ATXN1: variants seen among roughly 807,000 people sequenced by gnomAD.
ATXN1 encodes the protein ataxin 1.
In ATXN1, 8 loss-of-function variants were observed where a neutral mutation model predicts 56.4. That is an observed-to-expected ratio of 0.14 (90% CI 0.08 to 0.26). The LOEUF is 0.26. Ranked by LOEUF, ATXN1 falls within the 10% of genes least tolerant of loss-of-function variation. The probability of loss-of-function intolerance (pLI) is 1.00; values close to 1 mark genes in which losing one functional copy is unlikely to be tolerated. For missense variants in ATXN1, 987 were observed against 1,106.5 expected (o/e 0.89, Z 1.53); for synonymous variants, 514 against 494.6 (o/e 1.04, Z -0.52).
intron 5 of ATXN1, among the ~76,000 whole-genome samples, chr6:16,510,737 C>CATAA (rs57597775): frequency 0.042 from 6,324 of 151,780 alleles, 433 homozygotes; most frequent in African/African-American, 0.14. Context: ...GGCCCTGTCT[C>CATAA]ATAAATAAAT....
intron 6 of ATXN1, among the ~76,000 whole-genome samples, chr6:16,441,545 T>C (rs1759516986): frequency 6.8e-6 from 1 of 146,048 alleles, no homozygotes; most frequent in Non-Finnish European, 1.5e-5. Flanking sequence ...CCAAAACAGA[T>C]GAAAACTTTA....
chr6:16,674,187 T>C (rs1000393025), intron 2 of ATXN1, among the ~76,000 whole-genome samples: 1 of 152,120 alleles, frequency 6.6e-6, no homozygotes, highest in Non-Finnish European at 1.5e-5. Context: ...GGCCCCACTA[T>C]ACTTATTCCC....
chr6:16,326,708 G>T lies in ATXN1; in HGVS notation c.1603C>A (p.Pro535Thr), dbSNP rs1760814662. Residue 535 changes from proline to threonine, a missense_variant, in exon 7 of 8, where the codon CCT (proline) becomes ACT (threonine). By Grantham distance (38) the Pro-to-Thr change is conservative. Around this residue, in one of 3 missense-constraint regions of ATXN1, gnomAD observed 723 missense variants for 791.7 expected, o/e 0.91. Transcript: ENST00000436367. The surrounding 1 kb of genome is among the most constrained non-coding windows in gnomAD (Gnocchi z 6.6). ...GCGGCCTGGGTGACCAGGGCCTCAG[G>T]GTTGAAGTTCTCGCTCTTGGGAAGG... is the stretch of plus-strand genomic sequence containing the variant. ...TALPKSENFN[P>T]EALVTQAAYP... 1.9e-6 allele frequency: 3 copies of T among 1,613,520 alleles called. No homozygotes were observed. The highest frequency in any genetic ancestry group is 4.5e-5 in the East Asian group (2 of 44,872).
Position 16,302,104 on chromosome 6 carries a change from T to A in ATXN1, c.*4225A>T, listed in dbSNP as rs1760120768. ...ATTATATTGCAATCTATGCGGTATC[T>A]AAGGAGTAATCCACAAGATGCAGGA... On this transcript the variant is annotated 3_prime_UTR_variant, in exon 8 of 8. Transcript: ENST00000436367. 1 of 152,672 alleles carries A rather than the reference T, an allele frequency of 6.5e-6. No homozygotes were observed. Among genetic ancestry groups the A allele is most frequent in the African/African-American group, 2.4e-5 (1 of 41,454 alleles). The allele number at this position is 152,672 out of a possible 1,614,324, so 9.5% of individuals were successfully genotyped here.
intron 2 of ATXN1, among the ~76,000 whole-genome samples, chr6:16,676,152 G>A (rs1226373680): frequency 1.3e-5 from 2 of 152,098 alleles, no homozygotes; most frequent in African/African-American, 4.8e-5. Flanking sequence ...AAGTGTGAGT[G>A]AGTTTGCAAT....
intron 3 of ATXN1, among the ~76,000 whole-genome samples, chr6:16,624,600 G>T (rs1378036690): frequency 1.3e-5 from 2 of 152,088 alleles, no homozygotes; most frequent in African/African-American, 4.8e-5. Flanking sequence ...TATACATTCT[G>T]CACCATAGAT....
intron 1 of ATXN1, among the ~76,000 whole-genome samples, chr6:16,759,340 T>C (rs1386102128): frequency 2.0e-5 from 3 of 152,258 alleles, no homozygotes; most frequent in Non-Finnish European, 4.4e-5. Flanking sequence ...GTTTTTATTC[T>C]GTGGGTGTAA....
rs753778815 is a variant in ATXN1, at chr6:16,326,636, A to T, written c.1675T>A (p.Ser559Thr). The T allele has an allele frequency of 1.2e-6, 2 of 1,613,870 alleles. No individual in the cohort carries two copies. Among genetic ancestry groups the T allele is most frequent in the South Asian group, 2.2e-5 (2 of 91,090 alleles). The change falls in exon 7 of 8, where the codon TCC (serine) becomes ACC (threonine). Residue 559 changes from serine (S) to threonine (T), a missense_variant. Ser to Thr is a moderately conservative substitution (Grantham distance 58). Coordinates refer to ENST00000436367, the MANE Select transcript of ATXN1 (RefSeq NM_001128164.2). This position sits in a 1 kb window ranked among gnomAD's most constrained non-coding sequence, Gnocchi z 6.6. The part of the protein sequence containing the change: ...QAQIHLPVVQ[S>T]VASPAAAPPT... ...GGAGCCGCCGCCGGGGAGGCCACGGACTGCACCACAGGCAGGTGGATCTGG... is the reference window on the plus strand; with the variant it reads ...GGAGCCGCCGCCGGGGAGGCCACGGTCTGCACCACAGGCAGGTGGATCTGG...
In ATXN1 at chr6:16,722,860, A is replaced by G. The variant is rs192295229; in HGVS notation, c.-615+30373T>C. On this transcript the variant is annotated intron_variant, in intron 2 of 7. Transcript: ENST00000436367. ...CATGGCTGAGAATGCAGTGTCAGTAACATGCGAGTTTTCTGCTCTGCTTCA... is the reference window on the plus strand; with the variant it reads ...CATGGCTGAGAATGCAGTGTCAGTAGCATGCGAGTTTTCTGCTCTGCTTCA... Among the ~76,000 whole-genome samples, 4 of 152,348 alleles carry G rather than the reference A, an allele frequency of 2.6e-5. No homozygotes were observed. In the East Asian group the frequency reaches 7.7e-4, roughly 29 times the overall value.
chr6:16,320,940 T>C (rs1474607335), intron 7 of ATXN1, among the ~76,000 whole-genome samples: 1 of 152,194 alleles, frequency 6.6e-6, no homozygotes, highest in Non-Finnish European at 1.5e-5. Flanking sequence ...CAGCCTTCTT[T>C]CTAGACTTTC....
chr6:16,729,892 A>G (rs1366233369), intron 2 of ATXN1, among the ~76,000 whole-genome samples: 1 of 152,230 alleles, frequency 6.6e-6, no homozygotes, highest in East Asian at 1.9e-4. Context: ...TTTGGCACAC[A>G]GTAGGTGCTC....
intron 3 of ATXN1, among the ~76,000 whole-genome samples, chr6:16,646,946 C>A (rs1763808178): frequency 6.6e-6 from 1 of 152,136 alleles, no homozygotes; most frequent in Non-Finnish European, 1.5e-5. Context: ...TAACAGCTAC[C>A]ATTTTTTGAA....
intron 4 of ATXN1, among the ~76,000 whole-genome samples, chr6:16,577,976 T>C (rs949629764): frequency 2.0e-5 from 3 of 152,228 alleles, no homozygotes; most frequent in East Asian, 3.8e-4. Flanking sequence ...ACAAAGCTGA[T>C]AAGTTGCAGA....
chr6:16,588,146 C>G (rs1026623454), intron 3 of ATXN1, among the ~76,000 whole-genome samples: 25 of 152,042 alleles, frequency 1.6e-4, no homozygotes, highest in Non-Finnish European at 3.2e-4. Context: ...CATATTCAAC[C>G]ATGCAGCCAT....
chr6:16,503,722 A>C (rs1760927826), intron 5 of ATXN1, among the ~76,000 whole-genome samples: 1 of 152,202 alleles, frequency 6.6e-6, no homozygotes, highest in South Asian at 2.1e-4. Flanking sequence ...TGAATGAATA[A>C]AGATGGATGG....
intron 4 of ATXN1, among the ~76,000 whole-genome samples, chr6:16,554,167 G>A (rs1305070190): frequency 1.3e-5 from 2 of 152,286 alleles, no homozygotes; most frequent in South Asian, 2.1e-4. Flanking sequence ...AAAATAATTT[G>A]GGGGCTAAAA....
intron 6 of ATXN1, among the ~76,000 whole-genome samples, chr6:16,396,914 G>A (rs1298344106): frequency 2.6e-5 from 4 of 152,182 alleles, no homozygotes; most frequent in South Asian, 2.1e-4. Flanking sequence ...GTAGGCAATC[G>A]TAACCCTATG....
chr6:16,643,081 C>T (rs1406824439), intron 3 of ATXN1, among the ~76,000 whole-genome samples: 1 of 151,892 alleles, frequency 6.6e-6, no homozygotes, highest in African/African-American at 2.4e-5. Flanking sequence ...ACCAGCCTCA[C>T]CAATATGGTG....
At chr6:16,584,736 G>T (rs941918655) in intron 4 of ATXN1, among the ~76,000 whole-genome samples, 3 of 151,358 alleles carry the variant, frequency 2.0e-5, no homozygotes, top group African/African-American at 7.3e-5. Flanking sequence ...TTGGAAAACT[G>T]TATTAAGTAG....
Sources: allele counts gnomAD v4.1 joint callset (sites outside exome capture counted in the v4.1 genomes callset), GRCh38; gene constraint gnomAD v4.1.1; regional missense constraint gnomAD v4.1.1; non-coding constraint Gnocchi (gnomAD v3.1); transcripts MANE v1.5; gene names NCBI Gene and HGNC (gene_info 2026-07-23, HGNC 2026-07-21).